Variants in SLC14A2 observed in about 807,000 individuals in gnomAD.
SLC14A2 encodes the protein solute carrier family 14 member 2.
Under a neutral mutation model 104.6 loss-of-function variants are expected in SLC14A2, and 91 were observed. That is an observed-to-expected ratio of 0.87 (90% CI 0.73 to 1.04). The LOEUF (loss-of-function observed/expected upper bound fraction) is 1.04, where lower values mean the gene tolerates loss of function less well. Ranked by LOEUF, SLC14A2 falls within the 50% of genes least tolerant of loss-of-function variation. The pLI, the probability that SLC14A2 is intolerant of heterozygous loss-of-function variation, is 0.00. For synonymous variants in SLC14A2, 476 were observed against 466.4 expected (o/e 1.02, Z -0.27); for missense variants, 1,189 against 1,156.0 (o/e 1.03, Z -0.41).
At chr18:45,280,973 C>A (rs1568133359) in intron 1 of SLC14A2, among the ~76,000 whole-genome samples, 2 of 152,086 alleles carry the variant, frequency 1.3e-5, no homozygotes, top group Non-Finnish European at 2.9e-5. Context: ...CAATCTGTCA[C>A]CGAGGTCTCC....
chr18:45,329,345 G>A (rs1006954476), intron 1 of SLC14A2, among the ~76,000 whole-genome samples: 1 of 151,908 alleles, frequency 6.6e-6, no homozygotes, highest in African/African-American at 2.4e-5. Flanking sequence ...GATGATGAGT[G>A]TGTATGTGTG....
intron 2 of SLC14A2, among the ~76,000 whole-genome samples, chr18:45,555,622 C>G (rs1461479856): frequency 6.6e-6 from 1 of 152,178 alleles, no homozygotes; most frequent in Non-Finnish European, 1.5e-5. Flanking sequence ...GAAATCAGGG[C>G]ATCTCTGGAT....
the SLC14A2 span, among the ~76,000 whole-genome samples, chr18:45,186,993 G>A: frequency 6.6e-6 from 1 of 152,058 alleles, no homozygotes. Flanking sequence ...TTCTCTGCCA[G>A]GATAATCCCC....
intron 1 of SLC14A2, among the ~76,000 whole-genome samples, chr18:45,233,771 C>T (rs59211136): frequency 1.4e-5 from 2 of 140,266 alleles, no homozygotes; most frequent in Non-Finnish European, 3.1e-5. Context: ...TCCCCCGCCC[C>T]GACTCCCCCT....
chr18:45,191,360 A>C, the SLC14A2 span, among the ~76,000 whole-genome samples: 3 of 152,234 alleles, frequency 2.0e-5, no homozygotes, highest in African/African-American at 7.2e-5. Context: ...ATATGTCTGA[A>C]TCAGAGAGAC....
chr18:45,356,846 T>A (rs2085559090), intron 1 of SLC14A2, among the ~76,000 whole-genome samples: 1 of 152,082 alleles, frequency 6.6e-6, no homozygotes, highest in Admixed American at 6.6e-5. Context: ...GGTTTGGAAA[T>A]GAGAGGTCTG....
At chr18:45,183,249 GGAA>G in the SLC14A2 span, among the ~76,000 whole-genome samples, 1 of 152,128 alleles carries the variant, frequency 6.6e-6, no homozygotes, top group African/African-American at 2.4e-5. Context: ...TTATCCTTTA[GGAA>G]ACCATGTCAG....
chr18:45,496,572 C>A (rs1473923702), intron 2 of SLC14A2, among the ~76,000 whole-genome samples: 2 of 152,202 alleles, frequency 1.3e-5, no homozygotes, highest in African/African-American at 2.4e-5. Flanking sequence ...TCGAGGCCAG[C>A]CTGGCAAACA....
chr18:45,317,518 A>C (rs559786615), intron 1 of SLC14A2, among the ~76,000 whole-genome samples: 9 of 152,346 alleles, frequency 5.9e-5, no homozygotes, highest in African/African-American at 1.9e-4. Flanking sequence ...CCTGTTTTAG[A>C]TGGGAAGGTC....
chr18:45,199,678 C>A, the SLC14A2 span, among the ~76,000 whole-genome samples: 2,868 of 152,230 alleles, frequency 0.019, 102 homozygotes, highest in African/African-American at 0.065. Flanking sequence ...GTGCTCCTTC[C>A]TGTAAAGCCA....
intron 1 of SLC14A2, among the ~76,000 whole-genome samples, chr18:45,303,486 G>A (rs914454257): frequency 6.6e-6 from 1 of 152,228 alleles, no homozygotes; most frequent in African/African-American, 2.4e-5. Flanking sequence ...CCAGGGATGG[G>A]GAGCTCAGGC....
chr18:45,420,396 G>T (rs1343048273), intron 1 of SLC14A2, among the ~76,000 whole-genome samples: 1 of 152,152 alleles, frequency 6.6e-6, no homozygotes, highest in East Asian at 1.9e-4. Context: ...ATTATACAAG[G>T]TGTGAACTCC....
intron 2 of SLC14A2, among the ~76,000 whole-genome samples, chr18:45,556,674 T>C (rs1233300700): frequency 6.6e-6 from 1 of 152,258 alleles, no homozygotes; most frequent in African/African-American, 2.4e-5. Context: ...GTGATTTCCC[T>C]GCTGCTTAAA....
upstream of SLC14A2, among the ~76,000 whole-genome samples, chr18:45,611,817 G>A (rs2044976747): frequency 6.6e-6 from 1 of 152,120 alleles, no homozygotes; most frequent in African/African-American, 2.4e-5. Flanking sequence ...AAGAAGAAGA[G>A]CACCATCTAT....
intron 1 of SLC14A2, among the ~76,000 whole-genome samples, chr18:45,236,947 C>A (rs1264841146): frequency 6.6e-6 from 1 of 151,972 alleles, no homozygotes; most frequent in Non-Finnish European, 1.5e-5. Context: ...TAGTCTCAAC[C>A]CTGGGGCCTG....
intron 2 of SLC14A2, among the ~76,000 whole-genome samples, chr18:45,574,488 CA>C (rs1262613418): frequency 6.6e-6 from 1 of 152,124 alleles, no homozygotes; most frequent in Non-Finnish European, 1.5e-5. Flanking sequence ...AAAACCGTCC[CA>C]CCCTCAAGGG....
chr18:45,189,421 T>C, the SLC14A2 span, among the ~76,000 whole-genome samples: 1 of 152,130 alleles, frequency 6.6e-6, no homozygotes, highest in South Asian at 2.1e-4. Flanking sequence ...CACCAATAAG[T>C]GTTGTCTTTC....
rs535715203 is a variant in SLC14A2 at position 45,386,466 on chromosome 18, C to T, written c.-124-96767C>T. On this transcript the variant is annotated intron_variant, in intron 1 of 20. Coordinates refer to the SLC14A2 transcript ENST00000586448. ...CTTGTAGTCTGAAGGCACACGGCGC[C>T]CCCTAATGGACCCAAGCATTCCCTC... Among the ~76,000 whole-genome samples the T allele has an allele frequency of 2.0e-5, 3 of 152,270 alleles. No individual in the cohort carries two copies. The East Asian group carries it at 5.8e-4, about 29-fold the overall frequency.
chr18:45,494,100 T>A (rs1198821104), intron 2 of SLC14A2, among the ~76,000 whole-genome samples: 2 of 152,236 alleles, frequency 1.3e-5, no homozygotes, highest in Non-Finnish European at 2.9e-5. Context: ...CGTTCTGTAC[T>A]TCTTTCTCCA....
Sources: gnomAD v4.1 joint callset for allele counts (sites outside exome capture counted in the v4.1 genomes callset) on GRCh38, gnomAD v4.1.1 for gene constraint, MANE v1.5 for transcripts, NCBI Gene and HGNC (gene_info 2026-07-23, HGNC 2026-07-21) for gene names.